COA1: variants seen among roughly 807,000 people sequenced by gnomAD.
COA1 encodes the protein cytochrome c oxidase assembly factor 1 homolog.
A neutral mutation model predicts 16.0 loss-of-function variants in COA1; 13 were observed. The observed-to-expected ratio is 0.81, with a 90% confidence interval of 0.53 to 1.29. The LOEUF (loss-of-function observed/expected upper bound fraction) is 1.29. Among genes scored for constraint, COA1 ranks in the 50% most tolerant of loss-of-function variants. The probability of loss-of-function intolerance (pLI) is 0.00; values close to 1 mark genes in which losing one functional copy is unlikely to be tolerated. For synonymous variants in COA1, 65 were observed against 65.7 expected, an observed-to-expected ratio of 0.99 and a Z score of 0.05; for missense variants, 179 against 177.0, an observed-to-expected ratio of 1.01 and a Z score of -0.06.
At chr7:43,672,840 C>T (rs962823444) in intron 1 of COA1, among the ~76,000 whole-genome samples, 2 of 149,964 alleles carry the variant, frequency 1.3e-5, no homozygotes, top group Non-Finnish European at 3.0e-5. Context: ...TGGAACAGAA[C>T]AGGGAACCCA....
chr7:43,687,994 C>G (rs899560705), intron 1 of COA1, among the ~76,000 whole-genome samples: 5 of 152,170 alleles, frequency 3.3e-5, no homozygotes, highest in African/African-American at 1.2e-4. Context: ...ATAAGTCTCA[C>G]GAGCTCTGAT....
intron 1 of COA1, chr7:43,649,716 C>T (rs930355942): frequency 3.3e-5 from 5 of 152,256 alleles, no homozygotes; most frequent in African/African-American, 1.2e-4. Context: ...GCACCATGCA[C>T]ATTAGAGAAA....
chr7:43,724,340 G>A (rs1450713550), intron 1 of COA1, among the ~76,000 whole-genome samples: 1 of 151,980 alleles, frequency 6.6e-6, no homozygotes, highest in Non-Finnish European at 1.5e-5. Flanking sequence ...ATCCCTTGAG[G>A]TCAGGAGTTC....
chr7:43,615,247 C>A (rs556164048), intron 6 of COA1, among the ~76,000 whole-genome samples: 3 of 152,338 alleles, frequency 2.0e-5, no homozygotes, highest in Non-Finnish European at 2.9e-5. Context: ...ACTATCTCGG[C>A]TCACTGCAAC....
intron 1 of COA1, among the ~76,000 whole-genome samples, chr7:43,714,115 G>A (rs149434151): frequency 5.7e-4 from 87 of 152,242 alleles, no homozygotes; most frequent in African/African-American, 2.1e-3. Context: ...TTGAGTCCGG[G>A]ACTTCCAGGT....
intron 1 of COA1, among the ~76,000 whole-genome samples, chr7:43,710,551 T>G (rs2095210842): frequency 6.6e-6 from 1 of 151,706 alleles, no homozygotes; most frequent in Non-Finnish European, 1.5e-5. Flanking sequence ...GATTTATGGA[T>G]GATTCCCAGA....
In COA1 at chr7:43,707,848, C is replaced by T. The variant is rs375240816; in HGVS notation, c.-39+21581G>A. On this transcript the variant is annotated intron_variant, in intron 1 of 5. Transcript: ENST00000223336. ...AACATTCTTATACACACTACTTCAA[C>T]GCACACATGCCCACCATTTCTGTGG... 6.3e-4 allele frequency among the ~76,000 whole-genome samples: 96 copies of T among 152,320 alleles called. 1 individual carries two copies. Among genetic ancestry groups the T allele is most frequent in the African/African-American group, 2.1e-3 (89 of 41,570 alleles).
chr7:43,674,016 A>G (rs2093397546), intron 1 of COA1, among the ~76,000 whole-genome samples: 1 of 152,050 alleles, frequency 6.6e-6, no homozygotes, highest in Non-Finnish European at 1.5e-5. Flanking sequence ...GGGAGGGAGG[A>G]AGGTAAGGAC....
chr7:43,657,587 A>C lies in COA1; in HGVS notation c.-38-8935T>G, dbSNP rs554927747. 4.6e-4 allele frequency among the ~76,000 whole-genome samples: 70 copies of C among 152,300 alleles called. 1 individual carries two copies. Among genetic ancestry groups the C allele is most frequent in the African/African-American group, 1.6e-3 (67 of 41,560 alleles). ...GCTAGGCACTAGAAACAAAAAAGAG[A>C]ACAAAACAGACAGGTCATTTATGGA... is the stretch of plus-strand genomic sequence containing the variant. On this transcript the variant is annotated intron_variant, in intron 1 of 5. Transcript: ENST00000223336.
chr7:43,700,023 G>A (rs902137318), intron 1 of COA1, among the ~76,000 whole-genome samples: 1 of 151,948 alleles, frequency 6.6e-6, no homozygotes, highest in African/African-American at 2.4e-5. Flanking sequence ...TAGTGTCCTC[G>A]TTAAAAAATA....
intron 6 of COA1, among the ~76,000 whole-genome samples, chr7:43,619,076 C>T (rs1281772185): frequency 1.3e-5 from 2 of 152,192 alleles, no homozygotes; most frequent in African/African-American, 2.4e-5. Context: ...TACAAGGATG[C>T]TTGACAGTGC....
At chr7:43,705,830 C>G (rs2094949541) in intron 1 of COA1, among the ~76,000 whole-genome samples, 1 of 152,204 alleles carries the variant, frequency 6.6e-6, no homozygotes, top group Non-Finnish European at 1.5e-5. Flanking sequence ...CAAGAGTGGG[C>G]CACTCCACAT....
chr7:43,626,470 T>TTG, intron 6 of COA1: 1 of 152,212 alleles, frequency 6.6e-6, no homozygotes, highest in East Asian at 1.9e-4. Context: ...TTGGCTTTAT[T>TTG]TATACAGTTT....
At chr7:43,694,375 TC>T (rs1357863560) in intron 1 of COA1, among the ~76,000 whole-genome samples, 1 of 152,118 alleles carries the variant, frequency 6.6e-6, no homozygotes, top group Non-Finnish European at 1.5e-5. Context: ...CATCTCCAAT[TC>T]CTGTTTTCCC....
Position 43,729,512 on chromosome 7 carries a change from C to T in COA1, c.-122G>A, listed in dbSNP as rs1431607809. 1 of 152,334 alleles carries T rather than the reference C, an allele frequency of 6.6e-6. No homozygotes were observed. Among genetic ancestry groups the T allele is most frequent in the Non-Finnish European group, 1.5e-5 (1 of 68,104 alleles). The allele number at this position is 152,334 out of a possible 1,614,324, so 9.4% of individuals were successfully genotyped here. On this transcript the variant is annotated 5_prime_UTR_variant, in exon 1 of 6. Transcript: ENST00000223336. ...AAAGCACGGGTAAATGCCCGCGGTC[C>T]TGCGCGCCAGCGGGGAGCAGTAGAG...
At chr7:43,648,538 T>C (rs1166366875) in intron 2 of COA1, 62 bp downstream of exon 2, 9 of 1,567,988 alleles carry the variant, frequency 5.7e-6, no homozygotes, top group South Asian at 3.3e-5. Flanking sequence ...TCTTCTATTG[T>C]CTAACTCGAG....
intron 6 of COA1, among the ~76,000 whole-genome samples, chr7:43,616,195 ACT>A (rs755028752): frequency 1.3e-5 from 2 of 151,988 alleles, no homozygotes; most frequent in Non-Finnish European, 2.9e-5. Context: ...AGAATTAATC[ACT>A]CTGATATATT....
chr7:43,667,350 T>C (rs1374830146), intron 1 of COA1, among the ~76,000 whole-genome samples: 1 of 152,214 alleles, frequency 6.6e-6, no homozygotes, highest in Non-Finnish European at 1.5e-5. Flanking sequence ...TTGACATGTT[T>C]AGTCACATGA....
intron 1 of COA1, among the ~76,000 whole-genome samples, chr7:43,713,209 C>A (rs2095304095): frequency 6.6e-6 from 1 of 152,152 alleles, no homozygotes; most frequent in Non-Finnish European, 1.5e-5. Flanking sequence ...ACCTTGGCCT[C>A]CCAAAGTGCT....
Sources: allele counts gnomAD v4.1 joint callset (sites outside exome capture counted in the v4.1 genomes callset), GRCh38; gene constraint gnomAD v4.1.1; transcripts MANE v1.5; gene names NCBI Gene and HGNC (gene_info 2026-07-23, HGNC 2026-07-21).